Variants in DBH observed in about 807,000 individuals in gnomAD.
The protein encoded by DBH is dopamine beta-hydroxylase.
DBH carries 49 observed loss-of-function variants against 64.0 expected under a neutral mutation model. The observed-to-expected ratio is 0.77, with a 90% CI of 0.61 to 0.97. The LOEUF (loss-of-function observed/expected upper bound fraction) is 0.97, where lower values mean the gene tolerates loss of function less well. Ranked by LOEUF, DBH falls within the 50% of genes least tolerant of loss-of-function variation. DBH has a pLI of 0.00. For synonymous variants in DBH, 343 were observed against 347.1 expected, an observed-to-expected ratio of 0.99 and a Z score of 0.13; for missense variants, 828 against 826.6, an observed-to-expected ratio of 1.00 and a Z score of -0.02.
chr9:133,652,887 C>T (rs921748825), intron 8 of DBH, 53 bp from the exon 9 acceptor site: 8 of 1,388,406 alleles, frequency 5.8e-6, no homozygotes, highest in Admixed American at 5.0e-5. Context: ...AGGCCTCCAG[C>T]ACCTGCCAAC....
chr9:133,642,485 GA>G (rs1324726405), intron 3 of DBH, 21 bp downstream of exon 3: 1 of 1,589,062 alleles, frequency 6.3e-7, no homozygotes, highest in African/African-American at 1.3e-5. Context: ...GTCCAGGGCC[GA>G]GGTCCTCGCC....
At chr9:133,640,897 G>T (rs1295366790) in intron 2 of DBH, among the ~76,000 whole-genome samples, 1 of 152,252 alleles carries the variant, frequency 6.6e-6, no homozygotes, top group Admixed American at 6.5e-5. Context: ...GCCAGGCAGG[G>T]CAGGGAAGTT....
At chr9:133,646,531 T>C (rs982988605) in intron 5 of DBH, among the ~76,000 whole-genome samples, 2 of 152,118 alleles carry the variant, frequency 1.3e-5, no homozygotes, top group African/African-American at 4.8e-5. Context: ...TGAACCTCTG[T>C]TTTTTTGTTT....
At chr9:133,656,449 G>A (rs1832320212) in intron 9 of DBH, 74 bp from the exon 10 acceptor site, 3 of 1,604,784 alleles carry the variant, frequency 1.9e-6, no homozygotes, top group Non-Finnish European at 2.6e-6. Flanking sequence ...GTACACGTGG[G>A]TGCGGCGAAA....
chr9:133,658,170 G>C, intron 11 of DBH, 146 bp from the exon 12 acceptor site: 2 of 1,112,750 alleles, frequency 1.8e-6, no homozygotes, highest in South Asian at 2.9e-5. Context: ...CCCCCAAAAA[G>C]CAACTTGGGG....
rs774379683 is a variant in DBH at position 133,658,447 on chromosome 9, A to AG, written c.*6dup. 42 of 1,605,386 alleles carry AG rather than the reference A, an allele frequency of 2.6e-5. No homozygotes were observed. Among genetic ancestry groups the AG allele is most frequent in the Non-Finnish European group, 3.4e-5 (40 of 1,174,584 alleles). On this transcript the variant is annotated 3_prime_UTR_variant, in exon 12 of 12. Transcript: ENST00000393056. ...TCAGCATTGGTGGGGGCAAAGGCTG[A>AG]GGGGGGACCTACTCCTCCCCCTCCT...
intron 7 of DBH, 147 bp from the exon 8 acceptor site, chr9:133,652,099 C>T (rs571017095): frequency 1.4e-5 from 12 of 859,796 alleles, no homozygotes; most frequent in South Asian, 7.3e-5. Flanking sequence ...CCACACTTAG[C>T]GGGCTCTGGC....
At chr9:133,657,366 T>C in intron 11 of DBH, 137 bp downstream of exon 11, 2 of 1,028,314 alleles carry the variant, frequency 1.9e-6, no homozygotes, top group Non-Finnish European at 2.9e-6. Flanking sequence ...TGCCAGGTGG[T>C]GACACATAGG....
rs1238642479 is a variant in DBH, at chr9:133,657,447, GAGA to G, written c.1722+219_1722+221del. 31 of 532,482 alleles carry G rather than the reference GAGA, an allele frequency of 5.8e-5. No individual in the cohort carries two copies. In the African/African-American group the frequency reaches 7.1e-4, roughly 12 times the overall value. The allele number at this position is 532,482 out of a possible 1,614,324, so 33.0% of individuals were successfully genotyped here. On this transcript the variant is annotated intron_variant, in intron 11 of 11. Transcript: ENST00000393056. The stretch of plus-strand genomic sequence containing the variant: ...GAGGAGAGAGAGGAGAGAGAGGAGA[GAGA>G]GGAGAGAGGGAGAGGGAGAGAGGGA...
Position 133,651,567 on chromosome 9 carries a change from C to A in DBH, c.1192-67C>A, listed in dbSNP as rs534369014. The A allele has an allele frequency of 8.9e-5, 143 of 1,603,050 alleles. 1 individual carries two copies. The South Asian group carries it at 1.5e-3, about 17-fold the overall frequency. ...CCAGGGTGGCTGCTCCCTACCGGGT[C>A]CTGGCCATGGACGGGAGGGTCCCCT... is the stretch of plus-strand genomic sequence containing the variant. On this transcript the variant is annotated intron_variant, in intron 6 of 11. Transcript: ENST00000393056.
chr9:133,657,431 G>GT, intron 11 of DBH: 1 of 464,854 alleles, frequency 2.2e-6, no homozygotes, highest in Non-Finnish European at 3.8e-6. Context: ...AGAGGAGAGA[G>GT]AGGAGAGAGA....
At chr9:133,637,097 C>G (rs1205806200) in intron 1 of DBH, among the ~76,000 whole-genome samples, 5 of 152,222 alleles carry the variant, frequency 3.3e-5, no homozygotes, top group African/African-American at 1.2e-4. Flanking sequence ...GTCCCCAGAG[C>G]ACACATGCCC....
In DBH at chr9:133,653,713, A is replaced by G. The variant is rs140850041; in HGVS notation, c.1434+714A>G. 4.8e-3 allele frequency among the ~76,000 whole-genome samples: 736 copies of G among 152,204 alleles called. 2 individuals carry two copies. The highest frequency in any genetic ancestry group is 7.0e-3 in the Non-Finnish European group (476 of 68,004). On this transcript the variant is annotated intron_variant, in intron 9 of 11. Coordinates refer to ENST00000393056, the MANE Select transcript of DBH (RefSeq NM_000787.4). ...GCTGGACTGCAGACAGTTCAAGGAGAATCTGCACTGGAGAGATCTATTTTC... is the reference window on the plus strand; with the variant it reads ...GCTGGACTGCAGACAGTTCAAGGAGGATCTGCACTGGAGAGATCTATTTTC...
At chr9:133,638,118 CTT>C (rs1832074154) in intron 1 of DBH, among the ~76,000 whole-genome samples, 2 of 152,382 alleles carry the variant, frequency 1.3e-5, no homozygotes, top group South Asian at 2.1e-4. Context: ...AGCCAGGTGA[CTT>C]TGCCTTTCCG....
At position 133,642,309 on chromosome 9, in the gene DBH, C is replaced by T. The variant is rs759245407; in HGVS notation, c.589C>T (p.Leu197Phe). ...GCAGATGGGGCTGCAGAGGGTGCAG[C>T]TCCTGAAGCCCAATATCCCCGAACC... ...GLQMGLQRVQ[L>F]LKPNIPEPEL... The change falls in exon 3 of 12, where the codon CTC (leucine) becomes TTC (phenylalanine). Residue 197 changes from leucine to phenylalanine, a missense_variant. Transcript: ENST00000393056. 2.5e-6 allele frequency: 4 copies of T among 1,614,142 alleles called. No individual in the cohort carries two copies. The highest frequency in any genetic ancestry group is 3.4e-6 in the Non-Finnish European group (4 of 1,180,038).
intron 7 of DBH, 22 bp downstream of exon 7, chr9:133,651,799 CTGCCCCG>C: frequency 1.3e-6 from 2 of 1,536,686 alleles, no homozygotes; most frequent in Non-Finnish European, 1.8e-6. Flanking sequence ...CACCCCACCC[CTGCCCCG>C]CCCCCACACC....
intron 1 of DBH, among the ~76,000 whole-genome samples, chr9:133,638,472 G>C: frequency 6.6e-6 from 1 of 152,190 alleles, no homozygotes; most frequent in East Asian, 1.9e-4. Context: ...GGCTTTCTTG[G>C]GGTTTCCATG....
chr9:133,645,898 G>A (rs117634063), intron 5 of DBH, among the ~76,000 whole-genome samples: 1,990 of 152,286 alleles, frequency 0.013, 25 homozygotes, highest in South Asian at 0.024. Flanking sequence ...AAACTTCCAT[G>A]AAAGGGGTAG....
intron 2 of DBH, among the ~76,000 whole-genome samples, chr9:133,641,917 C>T (rs989802268): frequency 1.3e-5 from 2 of 152,200 alleles, no homozygotes; most frequent in African/African-American, 4.8e-5. Context: ...CACTGGCTCA[C>T]GGCGGGCCCA....
Sources: allele counts gnomAD v4.1 joint callset (sites outside exome capture counted in the v4.1 genomes callset), GRCh38; gene constraint gnomAD v4.1.1; transcripts MANE v1.5; gene names NCBI Gene and HGNC (gene_info 2026-07-23, HGNC 2026-07-21).